The following COL21A1 variants were observed in gnomAD, a reference collection of about 807,000 sequenced individuals.
COL21A1 encodes collagen type XXI alpha 1 chain.
In COL21A1, 149 loss-of-function variants were observed where a neutral mutation model predicts 137.9. The ratio of observed to expected loss-of-function variants is 1.08; its 90% CI spans 0.95 to 1.24. The LOEUF (loss-of-function observed/expected upper bound fraction) is 1.24, where lower values mean the gene tolerates loss of function less well. Among genes scored for constraint, COL21A1 ranks in the 50% most tolerant of loss-of-function variants. The pLI is 0.00. For synonymous variants in COL21A1, 456 were observed against 391.5 expected (o/e 1.16, Z -1.95); for missense variants, 1,167 against 1,158.4 (o/e 1.01, Z -0.11).
At chr6:56,156,221 A>G (rs1308943353) in intron 10 of COL21A1, among the ~76,000 whole-genome samples, 1 of 152,192 alleles carries the variant, frequency 6.6e-6, no homozygotes, top group Non-Finnish European at 1.5e-5. Context: ...TGCAGCAAAG[A>G]TGTATGCAAT....
intron 1 of COL21A1, among the ~76,000 whole-genome samples, chr6:56,221,533 G>A (rs1238567996): frequency 6.6e-6 from 1 of 151,912 alleles, no homozygotes; most frequent in East Asian, 1.9e-4. Flanking sequence ...AAACAGTCTG[G>A]ACGACATGGC....
chr6:56,179,699 T>C lies in COL21A1; in HGVS notation c.519A>G (p.Glu173=), dbSNP rs757149868. ...TAGCTCTAAGTTCGGCATCTTCTGT[T>C]TCTGAACCAACACCAATAGCAAATA... ...ITLFAIGVGS[E]TEDAELRAIA... is the part of the protein sequence containing the mutation. Residue 173 remains glutamate, a synonymous_variant, in exon 3 of 30, where the codon GAA becomes GAG. Transcript: ENST00000244728. 4 of 1,613,998 alleles carry C rather than the reference T, an allele frequency of 2.5e-6. No individual in the cohort carries two copies. Among genetic ancestry groups the C allele is most frequent in the South Asian group, 1.1e-5 (1 of 91,074 alleles).
intron 1 of COL21A1, among the ~76,000 whole-genome samples, chr6:56,260,700 G>GAAGT (rs1763245367): frequency 1.4e-5 from 2 of 142,448 alleles, no homozygotes; most frequent in African/African-American, 2.5e-5. Flanking sequence ...AGGCAGGCAG[G>GAAGT]CAGGCAGGCA....
chr6:56,253,660 C>G (rs1241504734), intron 1 of COL21A1, among the ~76,000 whole-genome samples: 1 of 152,150 alleles, frequency 6.6e-6, no homozygotes, highest in Non-Finnish European at 1.5e-5. Flanking sequence ...CTCTGTCGCT[C>G]TCAACCAGAA....
At chr6:56,195,913 A>G (rs1188303669) in intron 1 of COL21A1, among the ~76,000 whole-genome samples, 1 of 152,160 alleles carries the variant, frequency 6.6e-6, no homozygotes, top group Non-Finnish European at 1.5e-5. Flanking sequence ...AAGCCAGACA[A>G]GAACACTACA....
intron 1 of COL21A1, among the ~76,000 whole-genome samples, chr6:56,190,189 C>G (rs1046243030): frequency 1.3e-5 from 2 of 152,206 alleles, no homozygotes; most frequent in African/African-American, 2.4e-5. Context: ...AATAGACAGA[C>G]TGCTAGCAAG....
chr6:56,246,472 T>A (rs1782649110), intron 1 of COL21A1, among the ~76,000 whole-genome samples: 1 of 3,968 alleles, frequency 2.5e-4, no homozygotes, highest in South Asian at 0.014. Flanking sequence ...CCAGTATGCT[T>A]TTTTTTTTTC....
At chr6:56,266,568 C>T (rs1320694873) in intron 1 of COL21A1, among the ~76,000 whole-genome samples, 1 of 152,166 alleles carries the variant, frequency 6.6e-6, no homozygotes, top group East Asian at 1.9e-4. Context: ...CTGCTAGATG[C>T]AATGCAAAAT....
upstream of COL21A1, among the ~76,000 whole-genome samples, chr6:56,251,472 T>C (rs1782851477): frequency 6.6e-6 from 1 of 152,238 alleles, no homozygotes; most frequent in Non-Finnish European, 1.5e-5. Flanking sequence ...TATATAATAC[T>C]GAATAAATTG....
intron 1 of COL21A1, among the ~76,000 whole-genome samples, chr6:56,369,128 A>G (rs2152349800): frequency 6.6e-6 from 1 of 152,194 alleles, no homozygotes; most frequent in Middle Eastern, 3.4e-3. Context: ...TTTCCTAACT[A>G]TAGCCAAAAG....
chr6:56,185,887 C>T (rs556522112), intron 1 of COL21A1, among the ~76,000 whole-genome samples: 40 of 151,396 alleles, frequency 2.6e-4, no homozygotes, highest in South Asian at 1.0e-3. Context: ...ACAAAACAGT[C>T]AAGGGAAAAA....
At chr6:56,114,089 C>T (rs1470821370) in intron 16 of COL21A1, among the ~76,000 whole-genome samples, 2 of 152,192 alleles carry the variant, frequency 1.3e-5, no homozygotes, top group African/African-American at 4.8e-5. Flanking sequence ...GACTCTAGTC[C>T]CTAACTCCAA....
At chr6:56,217,736 G>T (rs1474736089) in intron 1 of COL21A1, among the ~76,000 whole-genome samples, 1 of 152,042 alleles carries the variant, frequency 6.6e-6, no homozygotes. Context: ...CAACCTATAG[G>T]AGTCAGTGCA....
intron 12 of COL21A1, among the ~76,000 whole-genome samples, chr6:56,134,197 G>T (rs115631464): frequency 0.024 from 3,616 of 152,282 alleles, 74 homozygotes; most frequent in East Asian, 0.055. Context: ...AAGCAGAGCT[G>T]CCCAAGACCA....
intron 1 of COL21A1, among the ~76,000 whole-genome samples, chr6:56,308,217 G>T (rs6918390): frequency 0.84 from 128,414 of 152,218 alleles, 56,140 homozygotes; most frequent in South Asian, 0.97. Flanking sequence ...TAGTGCCTTA[G>T]AAAAAGGCTG....
intron 12 of COL21A1, among the ~76,000 whole-genome samples, chr6:56,134,443 G>A (rs933989405): frequency 2.6e-5 from 4 of 152,146 alleles, no homozygotes; most frequent in East Asian, 1.9e-4. Context: ...GCTCATAAGT[G>A]GAAAGGACTT....
At chr6:56,301,308 G>A (rs1402225325) in intron 1 of COL21A1, among the ~76,000 whole-genome samples, 1 of 152,150 alleles carries the variant, frequency 6.6e-6, no homozygotes, top group Non-Finnish European at 1.5e-5. Flanking sequence ...AAGATGCTAT[G>A]CTGCTGGCAT....
chr6:56,103,134 C>T (rs1035541286), intron 16 of COL21A1, among the ~76,000 whole-genome samples: 1 of 152,074 alleles, frequency 6.6e-6, no homozygotes, highest in African/African-American at 2.4e-5. Context: ...GTCCTCAGAC[C>T]AGGCAAGATC....
At chr6:56,088,057 T>C (rs1280765432) in intron 17 of COL21A1, among the ~76,000 whole-genome samples, 2 of 152,174 alleles carry the variant, frequency 1.3e-5, no homozygotes, top group African/African-American at 4.8e-5. Flanking sequence ...TGCTTTAATT[T>C]ATCATATAAT....
Sources: allele counts gnomAD v4.1 joint callset (sites outside exome capture counted in the v4.1 genomes callset), GRCh38; gene constraint gnomAD v4.1.1; transcripts MANE v1.5; gene names NCBI Gene and HGNC (gene_info 2026-07-23, HGNC 2026-07-21).